The following TIAM2 variants were observed in gnomAD, a reference collection of about 807,000 sequenced individuals.
TIAM2 encodes rho guanine nucleotide exchange factor TIAM2.
A neutral mutation model predicts 152.9 loss-of-function variants in TIAM2; 80 were observed. That is an observed-to-expected ratio of 0.52 (90% CI 0.44 to 0.63). The LOEUF is 0.63. Ranked by LOEUF, TIAM2 falls within the 30% of genes least tolerant of loss-of-function variation. The pLI is 0.00. For missense variants in TIAM2, 1,965 were observed against 2,120.1 expected, an observed-to-expected ratio of 0.93 and a Z score of 1.44; for synonymous variants, 804 against 838.0, an observed-to-expected ratio of 0.96 and a Z score of 0.70.
In TIAM2 at chr6:155,150,333, C is replaced by T. The variant is rs533465694; in HGVS notation, c.2028+1999C>T. Among the ~76,000 whole-genome samples the T allele has an allele frequency of 1.1e-4, 17 of 152,302 alleles. No homozygotes were observed. The South Asian group carries it at 3.1e-3, about 28-fold the overall frequency. On this transcript the variant is annotated intron_variant, in intron 7 of 26. Coordinates refer to ENST00000682666, the MANE Select transcript of TIAM2 (RefSeq NM_012454.4). ...TTCTAAAATGATCGAAGTTAGGTGA[C>T]AGCTGGTATAGTCATCAAATATTAT...
chr6:155,209,407 A>G (rs1562354576), intron 14 of TIAM2, among the ~76,000 whole-genome samples: 1 of 152,166 alleles, frequency 6.6e-6, no homozygotes, highest in Non-Finnish European at 1.5e-5. Flanking sequence ...AAGCCAAGGT[A>G]TACACATCAG....
chr6:155,078,183 T>TA (rs1777996152), intron 1 of TIAM2, among the ~76,000 whole-genome samples: 1 of 152,152 alleles, frequency 6.6e-6, no homozygotes, highest in South Asian at 2.1e-4. Flanking sequence ...TAGCTAGGAC[T>TA]ACAGGCATAT....
rs1393293741 is a variant in TIAM2 at position 155,179,089 on chromosome 6, A to G, written c.2574A>G (p.Val858=). ...ATGGCCTACAGCTTCGAAAATTAGT[A>G]GATGACAATGTTGAGTATTGCATCC... The part of the protein sequence containing the change: ...SHYGLQLRKL[V]DDNVEYCIPA... The change falls in exon 11 of 27, where the codon GTA becomes GTG. Residue 858 remains valine (V), a synonymous_variant. Coordinates refer to ENST00000682666, the MANE Select transcript of TIAM2 (RefSeq NM_012454.4). The G allele has an allele frequency of 6.2e-7, 1 of 1,614,196 alleles. No homozygotes were observed. The highest frequency in any genetic ancestry group is 8.5e-7 in the Non-Finnish European group (1 of 1,180,022).
rs1051010976 is a variant in TIAM2 at position 155,174,857 on chromosome 6, C to T, written c.2362-1959C>T. 3.3e-5 allele frequency among the ~76,000 whole-genome samples: 5 copies of T among 152,172 alleles called. No individual in the cohort carries two copies. Among genetic ancestry groups the T allele is most frequent in the Admixed American group, 1.3e-4 (2 of 15,272 alleles). On this transcript the variant is annotated intron_variant, in intron 9 of 26. Transcript: ENST00000682666. The surrounding 1 kb of genome is among the most constrained non-coding windows in gnomAD (Gnocchi z 4.2). ...CTCAGTGGGAGCCTGTGACTTCCTC[C>T]GGGCCTTGTTCTTTGTGATGTTTCT...
chr6:155,220,383 A>G (rs1782002365), intron 15 of TIAM2, among the ~76,000 whole-genome samples: 1 of 152,214 alleles, frequency 6.6e-6, no homozygotes, highest in Non-Finnish European at 1.5e-5. Context: ...AGTATCATGC[A>G]AGGCAGGGGG....
At chr6:155,095,012 A>G (rs1175801065) in intron 2 of TIAM2, among the ~76,000 whole-genome samples, 2 of 152,094 alleles carry the variant, frequency 1.3e-5, no homozygotes, top group African/African-American at 4.8e-5. Flanking sequence ...GTCATGGAGA[A>G]GGAGTTGCCT....
chr6:155,043,501 G>A (rs189602590), intron 1 of TIAM2, among the ~76,000 whole-genome samples: 3 of 152,078 alleles, frequency 2.0e-5, no homozygotes, highest in Admixed American at 6.6e-5. Context: ...AGGCATGGTG[G>A]TGCGTACCTG....
At chr6:155,170,168 C>T (rs1485440692) in intron 9 of TIAM2, among the ~76,000 whole-genome samples, 2 of 152,300 alleles carry the variant, frequency 1.3e-5, no homozygotes, top group South Asian at 2.1e-4. Context: ...CTGTCAAGTG[C>T]GTATGTCATG....
intron 15 of TIAM2, among the ~76,000 whole-genome samples, chr6:155,228,290 G>T (rs1416116877): frequency 6.6e-6 from 1 of 152,168 alleles, no homozygotes; most frequent in African/African-American, 2.4e-5. Context: ...ATTTGTCAGA[G>T]CTCTAGTCTG....
At chr6:155,063,802 A>AAAG (rs1777636660) in intron 1 of TIAM2, among the ~76,000 whole-genome samples, 1 of 149,590 alleles carries the variant, frequency 6.7e-6, no homozygotes, top group Non-Finnish European at 1.5e-5. Flanking sequence ...AAAAAAAAAA[A>AAAG]GTTATGGAAC....
rs544667740 is a variant in TIAM2, at chr6:155,145,484, C to T, written c.1803+706C>T. Among the ~76,000 whole-genome samples, 275 of 152,086 alleles carry T rather than the reference C, an allele frequency of 1.8e-3. 1 individual carries two copies. Among genetic ancestry groups the T allele is most frequent in the African/African-American group, 6.3e-3 (261 of 41,488 alleles). The stretch of plus-strand genomic sequence containing the variant: ...GGATAATAGTGGCTTACATGATTGC[C>T]GTAAGAGTAAATGACATCGTGTGTG... On this transcript the variant is annotated intron_variant, in intron 6 of 26. Transcript: ENST00000682666.
At chr6:155,031,753 T>A (rs1169619370) in intron 1 of TIAM2, among the ~76,000 whole-genome samples, 1 of 152,104 alleles carries the variant, frequency 6.6e-6, no homozygotes, top group Admixed American at 6.6e-5. Flanking sequence ...GCAGAACTTA[T>A]ATTTAAATAA....
chr6:155,169,613 T>A, intron 9 of TIAM2, among the ~76,000 whole-genome samples: 1 of 152,214 alleles, frequency 6.6e-6, no homozygotes, highest in East Asian at 1.9e-4. Context: ...GTACATTCTA[T>A]GCTGTGTCTC....
chr6:155,256,472 T>C lies in TIAM2; in HGVS notation c.4469-12T>C. The C allele has an allele frequency of 6.2e-7, 1 of 1,614,118 alleles. No homozygotes were observed. Among genetic ancestry groups the C allele is most frequent in the Non-Finnish European group, 8.5e-7 (1 of 1,180,042 alleles). The stretch of plus-strand genomic sequence containing the variant: ...TTCTGTATCACAGCGAAATGTGTTT[T>C]TCTCACTGTAGCTTCATCCAGGTCT... On this transcript the variant is annotated splice_polypyrimidine_tract_variant and intron_variant, in intron 26 of 26. Coordinates refer to ENST00000682666, the MANE Select transcript of TIAM2 (RefSeq NM_012454.4).
intron 4 of TIAM2, among the ~76,000 whole-genome samples, chr6:155,131,853 A>G (rs1173925101): frequency 6.6e-6 from 1 of 152,168 alleles, no homozygotes; most frequent in East Asian, 1.9e-4. Context: ...TGCTGGGATT[A>G]CAAGCGTGAG....
At chr6:155,048,094 A>ATTAGGT (rs879468077) in intron 1 of TIAM2, among the ~76,000 whole-genome samples, 1 of 152,080 alleles carries the variant, frequency 6.6e-6, no homozygotes, top group African/African-American at 2.4e-5. Context: ...CTGGGACTAC[A>ATTAGGT]GGCATGTGCC....
At chr6:155,116,648 C>T (rs1395010932) in intron 2 of TIAM2, among the ~76,000 whole-genome samples, 3 of 152,106 alleles carry the variant, frequency 2.0e-5, no homozygotes, top group Admixed American at 6.5e-5. Flanking sequence ...TACTGAAGCT[C>T]GGGCCTTTTA....
At chr6:155,194,679 T>G (rs1305552120) in intron 14 of TIAM2, among the ~76,000 whole-genome samples, 1 of 152,096 alleles carries the variant, frequency 6.6e-6, no homozygotes, top group Non-Finnish European at 1.5e-5. Flanking sequence ...AACAAATGAG[T>G]AGAGGATATA....
intron 13 of TIAM2, 129 bp downstream of exon 13, chr6:155,182,447 C>T (rs533145225): frequency 7.9e-5 from 64 of 806,668 alleles, no homozygotes; most frequent in East Asian, 1.3e-4. Context: ...AGAAAGTAAA[C>T]GTAAGAGTTT....
Sources: gnomAD v4.1 joint callset for allele counts (sites outside exome capture counted in the v4.1 genomes callset) on GRCh38, gnomAD v4.1.1 for gene constraint, Gnocchi (gnomAD v3.1) non-coding constraint, MANE v1.5 for transcripts, NCBI Gene and HGNC (gene_info 2026-07-23, HGNC 2026-07-21) for gene names.